EIF4E3: variants seen among roughly 807,000 people sequenced by gnomAD.
The protein encoded by EIF4E3 is eukaryotic translation initiation factor 4E family member 3, also known as eukaryotic translation initiation factor 4E type 3.
Under a neutral mutation model 31.7 loss-of-function variants are expected in EIF4E3, and 26 were observed. The ratio of observed to expected loss-of-function variants is 0.82; its 90% CI spans 0.60 to 1.14. The LOEUF is 1.14. Ranked by LOEUF, EIF4E3 falls within the 50% of genes most tolerant of loss-of-function variation. The pLI is 0.00. For synonymous variants in EIF4E3, 128 were observed against 107.7 expected, an observed-to-expected ratio of 1.19 and a Z score of -1.17; for missense variants, 304 against 270.9, an observed-to-expected ratio of 1.12 and a Z score of -0.86.
chr3:71,713,745 C>T (rs891606444), intron 1 of EIF4E3, among the ~76,000 whole-genome samples: 1 of 152,088 alleles, frequency 6.6e-6, no homozygotes, highest in African/African-American at 2.4e-5. Context: ...GCCTGAACAC[C>T]ATTTTTAATA....
At chr3:71,664,824 G>A in the EIF4E3 span, among the ~76,000 whole-genome samples, 1 of 152,108 alleles carries the variant, frequency 6.6e-6, no homozygotes, top group South Asian at 2.1e-4. Flanking sequence ...GCAGTGAGCT[G>A]AGATCACACC....
the EIF4E3 span, among the ~76,000 whole-genome samples, chr3:71,668,515 C>A: frequency 6.6e-6 from 1 of 151,960 alleles, no homozygotes; most frequent in Non-Finnish European, 1.5e-5. Flanking sequence ...GGGCTAATAT[C>A]CAGAATCTAC....
In EIF4E3 at chr3:71,682,663, GCA is replaced by G. The variant is rs2048937426; in HGVS notation, c.*2017_*2018del. ...GAAACAGTTGCAGAAGTTCACTGGG[GCA>G]AAAATCTACTTTGTGTGCTAGTCAT... On this transcript the variant is annotated 3_prime_UTR_variant, in exon 7 of 7. Coordinates refer to ENST00000425534, the MANE Select transcript of EIF4E3 (RefSeq NM_001134651.2). 1 of 152,532 alleles carries G rather than the reference GCA, an allele frequency of 6.6e-6. No individual in the cohort carries two copies. Among genetic ancestry groups the G allele is most frequent in the South Asian group, 2.1e-4 (1 of 4,824 alleles). The allele number at this position is 152,532 out of a possible 1,614,324, so 9.4% of individuals were successfully genotyped here.
At chr3:71,673,835 G>T (rs2048858237), downstream of EIF4E3, among the ~76,000 whole-genome samples, 1 of 150,446 alleles carries the variant, frequency 6.6e-6, no homozygotes, top group Non-Finnish European at 1.5e-5. Context: ...ATTGTATATG[G>T]TCTATATCTC....
chr3:71,699,108 T>C (rs980653988), intron 3 of EIF4E3, among the ~76,000 whole-genome samples: 1 of 152,036 alleles, frequency 6.6e-6, no homozygotes, highest in Non-Finnish European at 1.5e-5. Context: ...ACACCTGTAG[T>C]CTCAGCTACT....
upstream of EIF4E3, chr3:71,754,459 G>A: frequency 7.5e-7 from 1 of 1,335,832 alleles, no homozygotes; most frequent in Non-Finnish European, 9.6e-7. This position sits in a 1 kb window ranked among gnomAD's most constrained non-coding sequence, Gnocchi z 5.8. Flanking sequence ...CTGGCCGGCT[G>A]GCCGTGCGCC....
intron 1 of EIF4E3, among the ~76,000 whole-genome samples, chr3:71,751,965 T>C (rs758397843): frequency 6.6e-6 from 1 of 152,212 alleles, no homozygotes; most frequent in Non-Finnish European, 1.5e-5. Flanking sequence ...CAAACTGCAA[T>C]TCCTAACCCA....
At chr3:71,664,783 G>T in the EIF4E3 span, among the ~76,000 whole-genome samples, 3 of 152,182 alleles carry the variant, frequency 2.0e-5, no homozygotes, top group Non-Finnish European at 4.4e-5. Context: ...GCTGAGGCAT[G>T]AGAACTGCTT....
intron 6 of EIF4E3, among the ~76,000 whole-genome samples, chr3:71,688,714 A>T (rs2049024285): frequency 6.6e-6 from 1 of 152,264 alleles, no homozygotes; most frequent in Non-Finnish European, 1.5e-5. Context: ...TGACCTTTCA[A>T]TTAATATCTG....
At position 71,696,465 on chromosome 3, in the gene EIF4E3, T is replaced by C. The variant is rs757593083; in HGVS notation, c.400A>G (p.Ser134Gly). 1.2e-5 allele frequency: 19 copies of C among 1,614,206 alleles called. No individual in the cohort carries two copies. The highest frequency in any genetic ancestry group is 1.6e-5 in the Non-Finnish European group (19 of 1,180,036). Residue 134 changes from serine (S) to glycine (G), a missense_variant, in exon 4 of 7, where the codon AGC (serine) becomes GGC (glycine). Coordinates refer to ENST00000425534, the MANE Select transcript of EIF4E3 (RefSeq NM_001134651.2). Reference protein sequence around the residue: ...GVWKMKVPKDSTSTVWKELLL... With the variant: ...GVWKMKVPKDGTSTVWKELLL... ...GAGGATCAGTAGGAACCTACCGTGC[T>C]GTCCTTGGGGACTTTCATCTTCCAT...
At chr3:71,732,774 G>A (rs1313740697) in intron 1 of EIF4E3, among the ~76,000 whole-genome samples, 1 of 152,244 alleles carries the variant, frequency 6.6e-6, no homozygotes, top group African/African-American at 2.4e-5. Flanking sequence ...GCAGTAGGGA[G>A]GCAATGTGAT....
intron 1 of EIF4E3, among the ~76,000 whole-genome samples, chr3:71,731,800 CA>C (rs1437685364): frequency 6.6e-6 from 1 of 152,202 alleles, no homozygotes; most frequent in Non-Finnish European, 1.5e-5. Context: ...CTGTTTCTCA[CA>C]GGCTGAGGTC....
rs1226829189 is a variant in EIF4E3 at position 71,690,032 on chromosome 3, A to C, written c.606T>G (p.Thr202=). ...TACGTTTATAAAATACTGCTTTAAA[A>C]GTTATGTGGGGCAGAAGTTCATAGA... ...EKIYELLPHI[T]FKAVFYKPHE... The change falls in exon 6 of 7, where the codon ACT becomes ACG. Residue 202 remains threonine, a synonymous_variant. Transcript: ENST00000425534. The C allele has an allele frequency of 1.2e-6, 2 of 1,612,516 alleles. No individual in the cohort carries two copies. Among genetic ancestry groups the C allele is most frequent in the East Asian group, 4.5e-5 (2 of 44,812 alleles).
intron 6 of EIF4E3, among the ~76,000 whole-genome samples, chr3:71,685,328 C>A (rs1044795394): frequency 3.9e-5 from 6 of 152,036 alleles, no homozygotes; most frequent in African/African-American, 1.4e-4. Context: ...ATCTGGCTTG[C>A]AAAATTACTA....
intron 1 of EIF4E3, among the ~76,000 whole-genome samples, chr3:71,739,401 A>T (rs533538935): frequency 4.6e-5 from 7 of 152,296 alleles, no homozygotes; most frequent in Non-Finnish European, 1.0e-4. Context: ...TCAACACCAT[A>T]AGAAATGTCA....
intron 1 of EIF4E3, among the ~76,000 whole-genome samples, chr3:71,749,716 T>A (rs1444343083): frequency 4.6e-5 from 7 of 152,164 alleles, no homozygotes; most frequent in Non-Finnish European, 2.9e-5. Flanking sequence ...GGGAAATACT[T>A]TTGTTTCTAT....
the EIF4E3 span, among the ~76,000 whole-genome samples, chr3:71,667,259 A>C: frequency 6.6e-6 from 1 of 152,322 alleles, no homozygotes; most frequent in South Asian, 2.1e-4. Context: ...TCTCAAAATA[A>C]CAAGAGCTAT....
intron 6 of EIF4E3, among the ~76,000 whole-genome samples, chr3:71,687,141 T>C (rs951510612): frequency 5.9e-5 from 9 of 152,130 alleles, no homozygotes; most frequent in Non-Finnish European, 8.8e-5. Flanking sequence ...GCTGGGATTA[T>C]AGGCACCTGC....
chr3:71,690,026 T>C lies in EIF4E3; in HGVS notation c.612A>G (p.Lys204=). ...AGCACTTACGTTTATAAAATACTGC[T>C]TTAAAAGTTATGTGGGGCAGAAGTT... ...IYELLPHITF[K]AVFYKPHEEH... Residue 204 remains lysine, a synonymous_variant, in exon 6 of 7, where the codon AAA becomes AAG. Coordinates refer to ENST00000425534, the MANE Select transcript of EIF4E3 (RefSeq NM_001134651.2). The C allele has an allele frequency of 6.2e-7, 1 of 1,612,618 alleles. No homozygotes were observed. The highest frequency in any genetic ancestry group is 1.1e-5 in the South Asian group (1 of 90,876).
Sources: gnomAD v4.1 joint callset for allele counts (sites outside exome capture counted in the v4.1 genomes callset) on GRCh38, gnomAD v4.1.1 for gene constraint, Gnocchi (gnomAD v3.1) non-coding constraint, MANE v1.5 for transcripts, NCBI Gene and HGNC (gene_info 2026-07-23, HGNC 2026-07-21) for gene names.